PCDHA12: variants seen among roughly 807,000 people sequenced by gnomAD.
The protein encoded by PCDHA12 is protocadherin alpha 12, also known as protocadherin alpha-12.
PCDHA12 carries 44 observed loss-of-function variants against 60.0 expected under a neutral mutation model. The observed-to-expected ratio is 0.73, with a 90% CI of 0.58 to 0.94. The LOEUF (loss-of-function observed/expected upper bound fraction) is 0.94. PCDHA12 is among the 40% of genes least tolerant of loss of function. PCDHA12 has a pLI of 0.00. For synonymous variants in PCDHA12, 569 were observed against 553.0 expected, an observed-to-expected ratio of 1.03 and a Z score of -0.40; for missense variants, 1,276 against 1,239.7, an observed-to-expected ratio of 1.03 and a Z score of -0.44.
At chr5:140,958,264 A>G (rs2153717297) in intron 1 of PCDHA12, among the ~76,000 whole-genome samples, 1 of 152,230 alleles carries the variant, frequency 6.6e-6, no homozygotes, top group Admixed American at 6.5e-5. Flanking sequence ...TTAATTTGGT[A>G]CAAGAAGTAT....
chr5:140,902,171 A>T, intron 1 of PCDHA12, among the ~76,000 whole-genome samples: 1 of 144,502 alleles, frequency 6.9e-6, no homozygotes, highest in Non-Finnish European at 1.5e-5. Flanking sequence ...TCTAATTTGG[A>T]TGTCCTTTAT....
intron 3 of PCDHA12, among the ~76,000 whole-genome samples, chr5:141,000,421 A>ATT (rs34755515): frequency 0.021 from 589 of 27,976 alleles, 60 homozygotes; most frequent in Middle Eastern, 0.062. Flanking sequence ...ATATATATAT[A>ATT]TTTTTTTTTT....
At chr5:140,899,431 T>C (rs1271468350) in intron 1 of PCDHA12, among the ~76,000 whole-genome samples, 2 of 152,242 alleles carry the variant, frequency 1.3e-5, no homozygotes, top group Non-Finnish European at 2.9e-5. Context: ...AGGTCTTTTC[T>C]GCATCTATTG....
intron 2 of PCDHA12, among the ~76,000 whole-genome samples, chr5:140,981,118 G>A (rs1205022984): frequency 6.6e-6 from 1 of 152,196 alleles, no homozygotes; most frequent in Admixed American, 6.5e-5. Flanking sequence ...TACTGGATAT[G>A]TTGTTTGAAG....
intron 1 of PCDHA12, among the ~76,000 whole-genome samples, chr5:140,885,554 A>G (rs1025656025): frequency 5.3e-5 from 8 of 152,140 alleles, no homozygotes; most frequent in African/African-American, 1.9e-4. Context: ...TGTTATTTCT[A>G]CGAAATTGAT....
At chr5:140,984,581 C>G (rs141574202) in intron 3 of PCDHA12, among the ~76,000 whole-genome samples, 5 of 152,158 alleles carry the variant, frequency 3.3e-5, no homozygotes, top group African/African-American at 1.2e-4. Context: ...GCAACCTAAT[C>G]ATACTTTTCA....
rs1554174004 is a variant in PCDHA12, at chr5:140,882,408, G to C, written c.2367+4569G>C. On this transcript the variant is annotated intron_variant, in intron 1 of 3. Coordinates refer to ENST00000398631, the MANE Select transcript of PCDHA12 (RefSeq NM_018903.4). Reference sequence around the variant, plus strand: ...GCAAAACACGGCACCTTCGTGGGCCGCATCGCTCAGGACCTGGGGCTGGAG... The same window carrying C: ...GCAAAACACGGCACCTTCGTGGGCCCCATCGCTCAGGACCTGGGGCTGGAG... The C allele has an allele frequency of 3.1e-6, 5 of 1,614,138 alleles. No homozygotes were observed. The highest frequency in any genetic ancestry group is 3.3e-5 in the Admixed American group (2 of 60,036).
chr5:140,877,531 G>C lies in PCDHA12; in HGVS notation c.2059G>C (p.Val687Leu). 1 of 1,613,792 alleles carries C rather than the reference G, an allele frequency of 6.2e-7. No individual in the cohort carries two copies. Among genetic ancestry groups the C allele is most frequent in the Non-Finnish European group, 8.5e-7 (1 of 1,179,898 alleles). The change falls in exon 1 of 4, where the codon GTG (valine) becomes CTG (leucine). Residue 687 changes from valine to leucine, a missense_variant. By Grantham distance (32) the Val-to-Leu change is conservative. Transcript: ENST00000398631. ...KTSSRASVGA[V>L]DPEAALVDIN... ...GTCGTCGCGGGCCTCAGTGGGCGCT[G>C]TGGATCCCGAAGCGGCTCTGGTGGA... is the stretch of plus-strand genomic sequence containing the variant.
At chr5:140,928,143 C>T (rs983552748) in intron 1 of PCDHA12, 2 of 1,614,228 alleles carry the variant, frequency 1.2e-6, no homozygotes, top group Middle Eastern at 1.6e-4. Context: ...TGATCACGGC[C>T]TCAGATAGTG....
rs2058926605 is a variant in PCDHA12, at chr5:140,882,051, AC to A, written c.2367+4213del. The A allele has an allele frequency of 7.9e-6, 6 of 757,556 alleles. No homozygotes were observed. The Admixed American group carries it at 1.6e-4, about 20-fold the overall frequency. 46.9% of individuals were successfully genotyped at this position (757,556 alleles called of 1,614,324 possible). A position where few individuals can be genotyped will look rare whatever the true frequency, so the allele number is the denominator to read the frequency against. ...AAAATATGAAGACTGAGTCATACTT[AC>A]ACTTACACGTTCATGCGCATGGTGT... On this transcript the variant is annotated intron_variant, in intron 1 of 3. Coordinates refer to ENST00000398631, the MANE Select transcript of PCDHA12 (RefSeq NM_018903.4).
chr5:140,911,502 G>A (rs911736161), intron 1 of PCDHA12, among the ~76,000 whole-genome samples: 4 of 152,104 alleles, frequency 2.6e-5, no homozygotes, highest in Admixed American at 1.3e-4. Flanking sequence ...CAGGTTTGAG[G>A]TTCAGTATCT....
intron 1 of PCDHA12, among the ~76,000 whole-genome samples, chr5:140,936,136 G>A (rs1393112473): frequency 2.0e-5 from 3 of 152,184 alleles, no homozygotes; most frequent in Admixed American, 1.3e-4. Context: ...TAAGTGATCT[G>A]CCCGCCTTGG....
Position 140,875,806 on chromosome 5 carries a change from A to G in PCDHA12, c.334A>G (p.Arg112Gly). The stretch of plus-strand genomic sequence containing the variant: ...TATCCACCTGGAGGTGATCGTGGAC[A>G]GGCCGCTGCAGGTTTTCCATGTGGA... The part of the protein sequence containing the change: ...CSIHLEVIVD[R>G]PLQVFHVDVE... Residue 112 changes from arginine (R) to glycine (G), a missense_variant, in exon 1 of 4, where the codon AGG becomes GGG. Coordinates refer to ENST00000398631, the MANE Select transcript of PCDHA12 (RefSeq NM_018903.4). The G allele has an allele frequency of 6.2e-7, 1 of 1,614,204 alleles. No individual in the cohort carries two copies. Among genetic ancestry groups the G allele is most frequent in the African/African-American group, 1.3e-5 (1 of 75,060 alleles).
intron 1 of PCDHA12, among the ~76,000 whole-genome samples, chr5:140,954,247 A>T (rs782077145): frequency 2.6e-5 from 4 of 152,196 alleles, no homozygotes; most frequent in Non-Finnish European, 4.4e-5. Context: ...ATGAACATAC[A>T]CATGCAGGTA....
intron 1 of PCDHA12, among the ~76,000 whole-genome samples, chr5:140,951,752 G>A (rs246039): frequency 0.51 from 77,303 of 151,800 alleles, 20,616 homozygotes; most frequent in African/African-American, 0.68. Context: ...CTCACCCTCC[G>A]CGAAATCTCA....
chr5:140,990,555 G>C (rs1176257375), intron 3 of PCDHA12, among the ~76,000 whole-genome samples: 1 of 152,130 alleles, frequency 6.6e-6, no homozygotes, highest in African/African-American at 2.4e-5. Context: ...TATTACCCAA[G>C]AACACACACC....
chr5:141,004,045 G>T (rs1588047334), intron 3 of PCDHA12, among the ~76,000 whole-genome samples: 1 of 152,222 alleles, frequency 6.6e-6, no homozygotes, highest in East Asian at 1.9e-4. Flanking sequence ...TTGATCATTT[G>T]CTGATACTGG....
chr5:140,888,447 A>G (rs1554183478), intron 1 of PCDHA12, among the ~76,000 whole-genome samples: 1 of 152,190 alleles, frequency 6.6e-6, no homozygotes, highest in Non-Finnish European at 1.5e-5. Context: ...CCCAACAATA[A>G]AGAATTAGCT....
chr5:140,983,009 G>C (rs1272086703), intron 3 of PCDHA12, among the ~76,000 whole-genome samples: 2 of 151,884 alleles, frequency 1.3e-5, no homozygotes, highest in Non-Finnish European at 2.9e-5. Flanking sequence ...AAAGAAAAAG[G>C]AAGGAAGGAA....
Sources: gnomAD v4.1 joint callset for allele counts (sites outside exome capture counted in the v4.1 genomes callset) on GRCh38, gnomAD v4.1.1 for gene constraint, MANE v1.5 for transcripts, NCBI Gene and HGNC (gene_info 2026-07-23, HGNC 2026-07-21) for gene names.